The following TAF12 variants were observed in gnomAD, a reference collection of about 807,000 sequenced individuals.
The protein encoded by TAF12 is TATA-box binding protein associated factor 12.
Under a neutral mutation model 20.8 loss-of-function variants are expected in TAF12, and 3 were observed. The observed-to-expected ratio is 0.14, with a 90% CI of 0.07 to 0.37. TAF12 has a LOEUF of 0.37. TAF12 is among the 10% of genes least tolerant of loss of function. TAF12 has a pLI of 1.00. For synonymous variants in TAF12, 69 were observed against 70.2 expected, an observed-to-expected ratio of 0.98 and a Z score of 0.09; for missense variants, 131 against 197.9, an observed-to-expected ratio of 0.66 and a Z score of 2.03.
At chr1:28,612,551 C>T (rs928758485) in intron 4 of TAF12, among the ~76,000 whole-genome samples, 2 of 143,282 alleles carry the variant, frequency 1.4e-5, no homozygotes, top group Non-Finnish European at 3.0e-5. Flanking sequence ...AATATATATA[C>T]ACACATAAAT....
upstream of TAF12, among the ~76,000 whole-genome samples, chr1:28,645,378 C>A (rs545210622): frequency 6.7e-6 from 1 of 150,236 alleles, no homozygotes; most frequent in Non-Finnish European, 1.5e-5. Context: ...GACTGGACAC[C>A]CTGGCTCACG....
upstream of TAF12, chr1:28,643,074 C>A (rs1301608158): frequency 1.1e-4 from 109 of 985,834 alleles, no homozygotes; most frequent in Non-Finnish European, 1.2e-4. Flanking sequence ...GACTGCGCGG[C>A]CCTCCCCGAC....
upstream of TAF12, among the ~76,000 whole-genome samples, chr1:28,645,527 G>A (rs1668163675): frequency 6.6e-6 from 1 of 151,594 alleles, no homozygotes; most frequent in South Asian, 2.1e-4. Flanking sequence ...GCACGCCTGT[G>A]ACCCCAGCTA....
chr1:28,627,415 CG>C (rs1667444609), intron 1 of TAF12, among the ~76,000 whole-genome samples: 1 of 148,150 alleles, frequency 6.7e-6, no homozygotes, highest in African/African-American at 2.5e-5. Context: ...AAAAAGAGGC[CG>C]GGCGCGGTGG....
intron 5 of TAF12, 138 bp from the exon 6 acceptor site, chr1:28,603,712 TC>T: frequency 1.3e-6 from 1 of 785,978 alleles, no homozygotes; most frequent in Non-Finnish European, 2.1e-6. Flanking sequence ...ACAAGGCATC[TC>T]AGTAGATTCC....
chr1:28,624,617 C>T (rs567447695), intron 1 of TAF12, among the ~76,000 whole-genome samples: 4 of 151,894 alleles, frequency 2.6e-5, no homozygotes, highest in Admixed American at 1.3e-4. Flanking sequence ...CATGGTGGCA[C>T]GTGCCTGTAA....
intron 1 of TAF12, 118 bp from the exon 2 acceptor site, chr1:28,622,283 G>C (rs1043388527): frequency 9.7e-7 from 1 of 1,026,034 alleles, no homozygotes; most frequent in Non-Finnish European, 1.2e-6. Flanking sequence ...ACTTTGGGAG[G>C]CCCAGGTGGT....
At chr1:28,619,815 G>C (rs535137655) in intron 2 of TAF12, among the ~76,000 whole-genome samples, 8 of 151,760 alleles carry the variant, frequency 5.3e-5, no homozygotes, top group East Asian at 2.0e-4. Flanking sequence ...GCTGGGCATG[G>C]TGTGGGTGCC....
At chr1:28,633,758 A>G (rs1464658408) in intron 1 of TAF12, among the ~76,000 whole-genome samples, 1 of 152,096 alleles carries the variant, frequency 6.6e-6, no homozygotes, top group African/African-American at 2.4e-5. Flanking sequence ...CTAAAAATAC[A>G]AAAATTAGCT....
chr1:28,638,001 A>G (rs1193733615), intron 1 of TAF12, among the ~76,000 whole-genome samples: 1 of 151,718 alleles, frequency 6.6e-6, no homozygotes, highest in Non-Finnish European at 1.5e-5. Context: ...TTGTTTAATT[A>G]TTATTATTAT....
rs533462812 is a variant in TAF12 at position 28,627,465 on chromosome 1, G to A, written c.-84-5300C>T. 4.7e-4 allele frequency among the ~76,000 whole-genome samples: 71 copies of A among 151,106 alleles called. 1 individual carries two copies. The highest frequency in any genetic ancestry group is 6.9e-3 in the Middle Eastern group (2 of 290). On this transcript the variant is annotated intron_variant, in intron 1 of 5. Coordinates refer to ENST00000373824, the MANE Select transcript of TAF12 (RefSeq NM_005644.4). Reference sequence around the variant, plus strand: ...TCCCAGCACTTTGGGAGGCTGAGGCGGGCGGATCACAAGGTCAGGAGATCG... The same window carrying A: ...TCCCAGCACTTTGGGAGGCTGAGGCAGGCGGATCACAAGGTCAGGAGATCG...
At chr1:28,635,276 C>CTTTTTTT (rs1179724707) in intron 1 of TAF12, among the ~76,000 whole-genome samples, 1 of 100,636 alleles carries the variant, frequency 9.9e-6, no homozygotes, top group Non-Finnish European at 2.1e-5. Context: ...ATCCTCCCTC[C>CTTTTTTT]TTTTTTTTTT....
At chr1:28,646,900 G>GT (rs1204458978), upstream of TAF12, among the ~76,000 whole-genome samples, 6 of 151,826 alleles carry the variant, frequency 4.0e-5, no homozygotes, top group Non-Finnish European at 1.5e-5. Context: ...GGGTTTCACC[G>GT]TGTTAGCCAG....
At chr1:28,632,530 C>CA (rs751070615) in intron 1 of TAF12, among the ~76,000 whole-genome samples, 25 of 151,438 alleles carry the variant, frequency 1.7e-4, no homozygotes, top group Middle Eastern at 6.8e-3. Flanking sequence ...ATAACAACAA[C>CA]AAAAAAAAGA....
chr1:28,603,560 G>T lies in TAF12; in HGVS notation c.465C>A (p.Ile155=). 1 of 1,613,700 alleles carries T rather than the reference G, an allele frequency of 6.2e-7. No homozygotes were observed. The highest frequency in any genetic ancestry group is 8.5e-7 in the Non-Finnish European group (1 of 1,180,010). The stretch of plus-strand genomic sequence containing the variant: ...TGTGTTATTTCTTGGTTGTTTTCCG[G>T]ATCAATGCCATTCTCTGAAAGGAGA... ...TEAHKQRMAL[I]RKTTKK The change falls in exon 6 of 6, where the codon ATC becomes ATA. Residue 155 remains isoleucine, a synonymous_variant. Transcript: ENST00000373824.
At chr1:28,641,283 A>T (rs1406144483) in intron 1 of TAF12, among the ~76,000 whole-genome samples, 1 of 152,002 alleles carries the variant, frequency 6.6e-6, no homozygotes, top group Non-Finnish European at 1.5e-5. Context: ...GGAGTTCGAA[A>T]CACAGCCTGG....
At chr1:28,641,620 CCT>C (rs1263494219) in intron 1 of TAF12, among the ~76,000 whole-genome samples, 3 of 151,694 alleles carry the variant, frequency 2.0e-5, no homozygotes, top group Non-Finnish European at 2.9e-5. Context: ...ATAGTGAGAC[CCT>C]GTTTCTACAA....
At chr1:28,629,748 A>G (rs1042790447) in intron 1 of TAF12, among the ~76,000 whole-genome samples, 1 of 150,310 alleles carries the variant, frequency 6.7e-6, no homozygotes, top group African/African-American at 2.5e-5. Context: ...TCAAGCAATA[A>G]TCTTGCATCA....
At chr1:28,612,927 T>C (rs1364981659) in intron 4 of TAF12, among the ~76,000 whole-genome samples, 1 of 152,142 alleles carries the variant, frequency 6.6e-6, no homozygotes, top group Non-Finnish European at 1.5e-5. Context: ...TGGTCTATAA[T>C]TCTCACGATT....
Sources: allele counts gnomAD v4.1 joint callset (sites outside exome capture counted in the v4.1 genomes callset), GRCh38; gene constraint gnomAD v4.1.1; transcripts MANE v1.5; gene names NCBI Gene and HGNC (gene_info 2026-07-23, HGNC 2026-07-21).